Variants in CUL1 observed in about 807,000 individuals in gnomAD.
CUL1 encodes the protein cullin 1, also known as cullin-1.
CUL1 carries 24 observed loss-of-function variants against 118.0 expected under a neutral mutation model. That is an observed-to-expected ratio of 0.20 (90% CI 0.15 to 0.29). The LOEUF is 0.29. Ranked by LOEUF, CUL1 falls within the 10% of genes least tolerant of loss-of-function variation. CUL1 has a pLI of 1.00. For missense variants in CUL1, 361 were observed against 933.8 expected, an observed-to-expected ratio of 0.39 and a Z score of 7.99; for synonymous variants, 332 against 340.4, an observed-to-expected ratio of 0.98 and a Z score of 0.27.
chr7:148,777,253 A>G (rs576347818), intron 9 of CUL1, among the ~76,000 whole-genome samples: 10 of 152,336 alleles, frequency 6.6e-5, no homozygotes, highest in Non-Finnish European at 1.0e-4. Context: ...AAAGGTGACA[A>G]TGAGATCAAA....
chr7:148,706,677 TGGGGGCGGCG>T (rs973345984), intron 1 of CUL1, among the ~76,000 whole-genome samples: 5 of 8,548 alleles, frequency 5.8e-4, no homozygotes, highest in Non-Finnish European at 1.2e-3. Flanking sequence ...GTGTTGGGGG[TGGGGGCGGCG>T]GGGGGCGGGG....
At position 148,776,214 on chromosome 7, in the gene CUL1, C is replaced by T. The variant is rs149573862; in HGVS notation, c.1084-7569C>T. 7.3e-3 allele frequency among the ~76,000 whole-genome samples: 1,110 copies of T among 151,688 alleles called. 9 individuals are homozygous for T. The highest frequency in any genetic ancestry group is 0.01 in the Non-Finnish European group (693 of 67,968). ...CTTGGTTAACATTTAAATGAGATGCCTCCTGTCCAGGACGCCATGAGACGA... is the reference window on the plus strand; with the variant it reads ...CTTGGTTAACATTTAAATGAGATGCTTCCTGTCCAGGACGCCATGAGACGA... On this transcript the variant is annotated intron_variant, in intron 9 of 21. Coordinates refer to ENST00000325222, the MANE Select transcript of CUL1 (RefSeq NM_003592.3).
chr7:148,783,335 C>T, intron 9 of CUL1: 4 of 985,340 alleles, frequency 4.1e-6, no homozygotes, highest in Non-Finnish European at 4.8e-6. Flanking sequence ...GGGCCGCAGT[C>T]AGACTCCCGC....
chr7:148,743,513 T>C (rs1799210720), intron 2 of CUL1, among the ~76,000 whole-genome samples: 2 of 152,240 alleles, frequency 1.3e-5, no homozygotes, highest in Non-Finnish European at 2.9e-5. Context: ...CAAGTTGTGA[T>C]TGATATTTTT....
At position 148,771,031 on chromosome 7, in the gene CUL1, G is replaced by A. The variant is rs115570534; in HGVS notation, c.1083+3282G>A. On this transcript the variant is annotated intron_variant, in intron 9 of 21. Coordinates refer to ENST00000325222, the MANE Select transcript of CUL1 (RefSeq NM_003592.3). ...CTAATTAAGTTGAATCATAGTGTAC[G>A]AGAATCATTTATAATTAGCATATTA... Among the ~76,000 whole-genome samples, 755 of 152,218 alleles carry A rather than the reference G, an allele frequency of 5.0e-3. 11 individuals carry two copies. The highest frequency in any genetic ancestry group is 0.018 in the African/African-American group (737 of 41,534).
At chr7:148,792,969 T>A (rs1801067795) in intron 17 of CUL1, 151 bp downstream of exon 17, 1 of 585,660 alleles carries the variant, frequency 1.7e-6, no homozygotes, top group African/African-American at 1.9e-5. Context: ...ATTCCAGGAT[T>A]TTAATACGCA....
At chr7:148,737,095 T>A (rs949957325) in intron 2 of CUL1, among the ~76,000 whole-genome samples, 9 of 152,238 alleles carry the variant, frequency 5.9e-5, no homozygotes, top group African/African-American at 2.2e-4. Context: ...ACTGACCTGG[T>A]ACTATTAAAA....
Position 148,787,870 on chromosome 7 carries a change from G to A in CUL1, c.1480-687G>A, listed in dbSNP as rs975928659. On this transcript the variant is annotated intron_variant, in intron 13 of 21. Coordinates refer to ENST00000325222, the MANE Select transcript of CUL1 (RefSeq NM_003592.3). The surrounding 1 kb of genome is among the most constrained non-coding windows in gnomAD (Gnocchi z 5.5). ...TGTCGAGTGCTCTTATCTGACTTGGGACATACTTTACTTTGGCCCCAAATT... is the reference window on the plus strand; with the variant it reads ...TGTCGAGTGCTCTTATCTGACTTGGAACATACTTTACTTTGGCCCCAAATT... Among the ~76,000 whole-genome samples the A allele has an allele frequency of 6.6e-6, 1 of 152,184 alleles. No individual in the cohort carries two copies. Among genetic ancestry groups the A allele is most frequent in the Admixed American group, 6.5e-5 (1 of 15,276 alleles).
intron 1 of CUL1, among the ~76,000 whole-genome samples, chr7:148,718,024 A>G (rs1364510336): frequency 6.6e-6 from 1 of 152,196 alleles, no homozygotes; most frequent in Non-Finnish European, 1.5e-5. Context: ...AATGTCTTAC[A>G]TAGCATTTCT....
At chr7:148,725,760 G>C (rs1379450011) in intron 1 of CUL1, among the ~76,000 whole-genome samples, 1 of 152,198 alleles carries the variant, frequency 6.6e-6, no homozygotes, top group African/African-American at 2.4e-5. Flanking sequence ...GACGTTGTTT[G>C]AGGTTTCTTT....
intron 1 of CUL1, among the ~76,000 whole-genome samples, chr7:148,712,842 C>T (rs192911706): frequency 1.8e-4 from 27 of 152,300 alleles, no homozygotes; most frequent in African/African-American, 5.3e-4. Flanking sequence ...CCACGCATTT[C>T]CATATTAGCT....
intron 1 of CUL1, among the ~76,000 whole-genome samples, chr7:148,720,101 G>A (rs751121192): frequency 2.8e-4 from 42 of 152,216 alleles, no homozygotes; most frequent in Admixed American, 1.3e-4. Context: ...TCTTTATATA[G>A]TTAATAAGCT....
intron 8 of CUL1, 68 bp downstream of exon 8, chr7:148,766,791 C>A: frequency 2.2e-6 from 3 of 1,365,696 alleles, no homozygotes; most frequent in Non-Finnish European, 3.0e-6. Context: ...GCTTTTGATT[C>A]TAGACTCTCG....
Position 148,783,523 on chromosome 7 carries a change from C to T in CUL1, c.1084-260C>T, listed in dbSNP as rs181380836. ...TTTTCATGATCTCTTTGAGTTTTCA[C>T]TGTTTTTAATGCAAGCTCGGAATCA... On this transcript the variant is annotated intron_variant, in intron 9 of 21. Coordinates refer to ENST00000325222, the MANE Select transcript of CUL1 (RefSeq NM_003592.3). 4 of 1,340,122 alleles carry T rather than the reference C, an allele frequency of 3.0e-6. No individual in the cohort carries two copies. In the Admixed American group the frequency reaches 8.9e-5, roughly 30 times the overall value. The allele number at this position is 1,340,122 out of a possible 1,614,324, so 83.0% of individuals were successfully genotyped here. A position where few individuals can be genotyped will look rare whatever the true frequency, so the allele number is the denominator to read the frequency against.
At chr7:148,792,703 C>T (rs753408857) in intron 16 of CUL1, 23 bp from the exon 17 acceptor site, 1 of 1,581,494 alleles carries the variant, frequency 6.3e-7, no homozygotes, top group South Asian at 1.2e-5. Context: ...CCTTCTTTTT[C>T]TTTTATATGG....
At chr7:148,765,511 T>G (rs1799976584) in intron 7 of CUL1, among the ~76,000 whole-genome samples, 1 of 152,022 alleles carries the variant, frequency 6.6e-6, no homozygotes, top group Admixed American at 6.6e-5. Flanking sequence ...GCACCTGTAG[T>G]CCCAGCTGCA....
chr7:148,762,488 C>T (rs1446788316), intron 7 of CUL1, among the ~76,000 whole-genome samples: 1 of 152,154 alleles, frequency 6.6e-6, no homozygotes, highest in Non-Finnish European at 1.5e-5. Flanking sequence ...CAATCTGGAA[C>T]CTAACCAGCT....
intron 2 of CUL1, among the ~76,000 whole-genome samples, chr7:148,745,161 C>G (rs994524760): frequency 2.0e-5 from 3 of 152,028 alleles, no homozygotes; most frequent in African/African-American, 7.2e-5. Context: ...GTAATTTATT[C>G]TAGATTTCCT....
chr7:148,747,210 T>A (rs925646358), intron 2 of CUL1, among the ~76,000 whole-genome samples: 6 of 152,198 alleles, frequency 3.9e-5, no homozygotes, highest in South Asian at 2.1e-4. Context: ...TTTGTTTTTT[T>A]AAAAACCTTT....
Sources: gnomAD v4.1 joint callset for allele counts (sites outside exome capture counted in the v4.1 genomes callset) on GRCh38, gnomAD v4.1.1 for gene constraint, Gnocchi (gnomAD v3.1) non-coding constraint, MANE v1.5 for transcripts, NCBI Gene and HGNC (gene_info 2026-07-23, HGNC 2026-07-21) for gene names.